Variants in DEAF1 observed in about 807,000 individuals in gnomAD.
DEAF1 encodes the protein deformed epidermal autoregulatory factor 1 homolog.
DEAF1 carries 53 observed loss-of-function variants against 58.9 expected under a neutral mutation model. The ratio of observed to expected loss-of-function variants is 0.90; its 90% CI spans 0.72 to 1.13. The LOEUF is 1.13. Among genes scored for constraint, DEAF1 ranks in the 50% most tolerant of loss-of-function variants. The probability of loss-of-function intolerance (pLI) is 0.00; values close to 1 mark genes in which losing one functional copy is unlikely to be tolerated. For missense variants in DEAF1, 685 were observed against 791.4 expected, an observed-to-expected ratio of 0.87 and a Z score of 1.61; for synonymous variants, 385 against 340.4, an observed-to-expected ratio of 1.13 and a Z score of -1.44.
chr11:701,406 C>CTTTTTTTT (rs71022955), intron 1 of DEAF1, among the ~76,000 whole-genome samples: 8 of 64,900 alleles, frequency 1.2e-4, no homozygotes, highest in Non-Finnish European at 1.9e-4. Context: ...GACAAGGTTT[C>CTTTTTTTT]TTTTTTTTTT....
At chr11:706,244 G>A (rs1280492874) in intron 1 of DEAF1, 1 of 151,918 alleles carries the variant, frequency 6.6e-6, no homozygotes, top group Non-Finnish European at 1.5e-5. Context: ...CGGACGCACC[G>A]GCGAGCGCCG....
At chr11:695,378 G>A (rs1273475114), upstream of DEAF1, 2 of 417,764 alleles carry the variant, frequency 4.8e-6, no homozygotes. Flanking sequence ...GTCCTCACGA[G>A]GGCTTCCGAG....
At chr11:704,236 G>C (rs960395010) in intron 1 of DEAF1, 7 of 854,738 alleles carry the variant, frequency 8.2e-6, no homozygotes, top group East Asian at 6.5e-5. Flanking sequence ...CCTCGCCCTC[G>C]GGCCCTGGCT....
intron 1 of DEAF1, chr11:700,706 G>C (rs897824460): frequency 6.2e-7 from 1 of 1,613,498 alleles, no homozygotes; most frequent in African/African-American, 1.3e-5. Flanking sequence ...GGTTATACCT[G>C]GGTGAGTGGA....
chr11:693,185 CATG>C (rs1401261331), intron 1 of DEAF1, among the ~76,000 whole-genome samples: 3 of 152,214 alleles, frequency 2.0e-5, no homozygotes, highest in African/African-American at 7.2e-5. Context: ...TCTCTGACAT[CATG>C]ATGAACAGCA....
chr11:699,014 G>C, upstream of DEAF1: 1 of 1,156,008 alleles, frequency 8.7e-7, no homozygotes. Flanking sequence ...GGAGAGGGGG[G>C]TGTTCCTTGA....
chr11:674,361 C>G (rs1859963050), intron 10 of DEAF1, 175 bp downstream of exon 10: 2 of 915,526 alleles, frequency 2.2e-6, no homozygotes, highest in Non-Finnish European at 3.4e-6. Flanking sequence ...CAATAGCTGT[C>G]ACTTTTCTTT....
intron 1 of DEAF1, chr11:700,676 G>C (rs760740395): frequency 1.2e-6 from 2 of 1,613,998 alleles, no homozygotes; most frequent in Non-Finnish European, 1.7e-6. Context: ...TGTTTCTGAT[G>C]GGGATTCTAG....
intron 10 of DEAF1, among the ~76,000 whole-genome samples, chr11:661,563 A>AT (rs1156950687): frequency 1.3e-5 from 2 of 152,074 alleles, no homozygotes; most frequent in African/African-American, 2.4e-5. Flanking sequence ...TACAAAAATT[A>AT]GCCAGGCGTG....
At chr11:659,027 TCTAA>T (rs1859194992) in intron 10 of DEAF1, among the ~76,000 whole-genome samples, 1 of 152,178 alleles carries the variant, frequency 6.6e-6, no homozygotes, top group Non-Finnish European at 1.5e-5. Context: ...CCTATTAATT[TCTAA>T]CTATCAAAGA....
intron 10 of DEAF1, among the ~76,000 whole-genome samples, chr11:661,849 C>T (rs986869618): frequency 3.9e-5 from 6 of 152,218 alleles, no homozygotes; most frequent in African/African-American, 1.4e-4. Context: ...CATTCAGAGA[C>T]AGCAGTGTCT....
At chr11:653,703 G>A (rs1858904981) in intron 11 of DEAF1, among the ~76,000 whole-genome samples, 1 of 152,150 alleles carries the variant, frequency 6.6e-6, no homozygotes. Context: ...TGGAGGGCTG[G>A]GAAGCACTGA....
chr11:701,406 C>CTTTT (rs71022955), intron 1 of DEAF1, among the ~76,000 whole-genome samples: 17 of 64,898 alleles, frequency 2.6e-4, no homozygotes, highest in East Asian at 5.7e-4. Flanking sequence ...GACAAGGTTT[C>CTTTT]TTTTTTTTTT....
intron 8 of DEAF1, 51 bp downstream of exon 8, chr11:679,635 TCA>T: frequency 1.2e-6 from 2 of 1,603,486 alleles, no homozygotes; most frequent in Non-Finnish European, 1.7e-6. Flanking sequence ...GGATGTGATG[TCA>T]CAGACAGGGA....
At chr11:682,044 T>C (rs1860398828) in intron 6 of DEAF1, among the ~76,000 whole-genome samples, 1 of 152,252 alleles carries the variant, frequency 6.6e-6, no homozygotes, top group East Asian at 1.9e-4. Flanking sequence ...GCTTGTTTAT[T>C]ACTCAGGTAC....
intron 2 of DEAF1, among the ~76,000 whole-genome samples, chr11:689,071 C>A (rs1261328791): frequency 6.6e-6 from 1 of 152,232 alleles, no homozygotes; most frequent in Non-Finnish European, 1.5e-5. Flanking sequence ...CTGTTCACCC[C>A]ACGGTGGGGC....
At position 691,593 on chromosome 11, in the gene DEAF1, T is replaced by C. The variant is rs750680707; in HGVS notation, c.295A>G (p.Thr99Ala). The C allele has an allele frequency of 3.1e-6, 5 of 1,613,166 alleles. No individual in the cohort carries two copies. The East Asian group carries it at 8.9e-5, about 29-fold the overall frequency. ...CCCACGTTGGCCACTGTCACTGTGG[T>C]CACCTCTGCAACAGAAGGAGCCTCA... Reference protein sequence around the residue: ...AAAAAAFAEVTTVTVANVGAA... With the variant: ...AAAAAAFAEVATVTVANVGAA... Residue 99 changes from threonine to alanine, a missense_variant, in exon 2 of 12, where the codon ACC (threonine) becomes GCC (alanine). Transcript: ENST00000382409.
Position 703,946 on chromosome 11 carries a change from G to GT in DEAF1, c.-438+2625dup, listed in dbSNP as rs1237068470. On this transcript the variant is annotated intron_variant, in intron 1 of 11. Coordinates refer to the DEAF1 transcript ENST00000683307. ...AGTGCTAAACAAATTCTAGCTCTGT[G>GT]TTTTTTTCCCATTCCCAGATTTACT... 7 of 1,242,778 alleles carry GT rather than the reference G, an allele frequency of 5.6e-6. No homozygotes were observed. In the Admixed American group the frequency reaches 1.5e-4, roughly 27 times the overall value. The allele number at this position is 1,242,778 out of a possible 1,614,324, so 77.0% of individuals were successfully genotyped here. A position where few individuals can be genotyped will look rare whatever the true frequency, so the allele number is the denominator to read the frequency against.
intron 10 of DEAF1, among the ~76,000 whole-genome samples, chr11:656,158 C>CTCTTTTT (rs372871736): frequency 8.0e-6 from 1 of 124,284 alleles, no homozygotes; most frequent in Non-Finnish European, 1.8e-5. Flanking sequence ...AAATGACAAA[C>CTCTTTTT]TTTTTTTTTT....
Sources: allele counts gnomAD v4.1 joint callset (sites outside exome capture counted in the v4.1 genomes callset), GRCh38; gene constraint gnomAD v4.1.1; transcripts MANE v1.5; gene names NCBI Gene and HGNC (gene_info 2026-07-23, HGNC 2026-07-21).